The following ADGRL2 variants were observed in gnomAD, a reference collection of about 807,000 sequenced individuals.
ADGRL2 encodes the protein calcium-independent alpha-latrotoxin receptor 2.
In ADGRL2, 44 loss-of-function variants were observed where a neutral mutation model predicts 157.4. The ratio of observed to expected loss-of-function variants is 0.28; its 90% CI spans 0.22 to 0.36. The LOEUF (loss-of-function observed/expected upper bound fraction) is 0.36, where lower values mean the gene tolerates loss of function less well. Among genes scored for constraint, ADGRL2 ranks in the 10% least tolerant of loss-of-function variants. ADGRL2 has a pLI of 1.00. For synonymous variants in ADGRL2, 585 were observed against 624.7 expected (o/e 0.94, Z 0.95); for missense variants, 1,510 against 1,768.9 (o/e 0.85, Z 2.63).
chr1:81,872,496 T>G (rs2093724443), intron 2 of ADGRL2, among the ~76,000 whole-genome samples: 1 of 152,156 alleles, frequency 6.6e-6, no homozygotes, highest in South Asian at 2.1e-4. Flanking sequence ...AGTTCACATA[T>G]TTCAACAGGT....
At chr1:81,840,718 C>T (rs1571586890) in intron 2 of ADGRL2, among the ~76,000 whole-genome samples, 1 of 152,112 alleles carries the variant, frequency 6.6e-6, no homozygotes, top group Non-Finnish European at 1.5e-5. Context: ...TACATATTCT[C>T]TAAGCCTTTC....
chr1:81,737,373 G>A (rs1382004407), intron 1 of ADGRL2, among the ~76,000 whole-genome samples: 3 of 152,180 alleles, frequency 2.0e-5, no homozygotes, highest in Non-Finnish European at 4.4e-5. Context: ...GAAAGAGAGA[G>A]AGAGTTAAGG....
intron 2 of ADGRL2, among the ~76,000 whole-genome samples, chr1:81,905,788 C>T (rs1054321029): frequency 2.6e-5 from 4 of 152,114 alleles, no homozygotes; most frequent in Middle Eastern, 3.4e-3. Context: ...TATTTGATGT[C>T]GTTTGTTTGA....
In ADGRL2 at chr1:81,992,021, G is replaced by C. The variant is rs7523249; in HGVS notation, c.*876G>C. ...TTAAATTTCTTATTGCCAAAAGAAC[G>C]TGTTTTATGGGGAGAAACAAACTCT... is the stretch of plus-strand genomic sequence containing the variant. On this transcript the variant is annotated 3_prime_UTR_variant, in exon 24 of 24. Transcript: ENST00000686636. 5.3e-5 allele frequency: 8 copies of C among 152,380 alleles called. No homozygotes were observed. The highest frequency in any genetic ancestry group is 8.8e-5 in the Non-Finnish European group (6 of 67,988). 9.4% of individuals were successfully genotyped at this position (152,380 alleles called of 1,614,324 possible). A position where few individuals can be genotyped will look rare whatever the true frequency, so the allele number is the denominator to read the frequency against.
chr1:81,930,555 A>T (rs897523076), intron 3 of ADGRL2, among the ~76,000 whole-genome samples: 4 of 152,334 alleles, frequency 2.6e-5, no homozygotes, highest in East Asian at 1.9e-4. Flanking sequence ...TGGGATGGTT[A>T]AGTGATGCAT....
chr1:81,863,059 AG>A (rs2093434355), intron 2 of ADGRL2, among the ~76,000 whole-genome samples: 1 of 152,154 alleles, frequency 6.6e-6, no homozygotes, highest in Admixed American at 6.6e-5. Context: ...TTTAAAGACA[AG>A]GGTTTTTAAA....
rs1360355130 is a variant in ADGRL2 at position 81,943,231 on chromosome 1, C to A, written c.672C>A (p.Phe224Leu). The A allele has an allele frequency of 6.2e-7, 1 of 1,613,480 alleles. No homozygotes were observed. Among genetic ancestry groups the A allele is most frequent in the Non-Finnish European group, 8.5e-7 (1 of 1,179,674 alleles). The change falls in exon 6 of 24, where the codon TTC becomes TTA. Residue 224 changes from phenylalanine to leucine, a missense_variant. This residue lies in a region of ADGRL2 where 361 missense variants were observed against 498.4 expected (regional missense o/e 0.72). Coordinates refer to ENST00000686636, the MANE Select transcript of ADGRL2 (RefSeq NM_001366006.2). This position sits in a 1 kb window ranked among gnomAD's most constrained non-coding sequence, Gnocchi z 5.6. ...TTGTGGTGTATGATGGTGCTGTCTT[C>A]TTTAACAAAGAAAGAACGAGGAATA... ...TGFVVYDGAV[F>L]FNKERTRNIV...
chr1:81,642,764 C>T (rs183855991), intron 3 of ADGRL2, among the ~76,000 whole-genome samples: 14 of 152,022 alleles, frequency 9.2e-5, no homozygotes, highest in East Asian at 7.7e-4. Context: ...TATGCAAAAC[C>T]GATTAAACAT....
chr1:81,459,302 C>T (rs546174931), intron 2 of ADGRL2, among the ~76,000 whole-genome samples: 1 of 152,278 alleles, frequency 6.6e-6, no homozygotes, highest in African/African-American at 2.4e-5. Flanking sequence ...ATCTGTCTGT[C>T]TCCTGTTGCT....
intron 1 of ADGRL2, among the ~76,000 whole-genome samples, chr1:81,336,581 T>C (rs1244636235): frequency 6.6e-6 from 1 of 152,162 alleles, no homozygotes; most frequent in Admixed American, 6.5e-5. Flanking sequence ...TATATATGTA[T>C]GGCTGTCAGT....
chr1:81,746,285 T>C lies in ADGRL2; in HGVS notation c.-142-15526T>C, dbSNP rs80206315. On this transcript the variant is annotated intron_variant, in intron 1 of 20. Transcript: ENST00000359929. ...GGAGGCAATTTTAGTAAAATAAAAATGTATATTTTTAAAAATTTTTTGAGA... is the reference window on the plus strand; with the variant it reads ...GGAGGCAATTTTAGTAAAATAAAAACGTATATTTTTAAAAATTTTTTGAGA... 1.3e-3 allele frequency among the ~76,000 whole-genome samples: 204 copies of C among 152,140 alleles called. 8 individuals carry two copies. The East Asian group carries it at 0.038, about 29-fold the overall frequency.
intron 1 of ADGRL2, among the ~76,000 whole-genome samples, chr1:81,704,360 A>C (rs1230032215): frequency 6.6e-6 from 1 of 152,204 alleles, no homozygotes; most frequent in Admixed American, 6.5e-5. Flanking sequence ...AGAGCATAGC[A>C]CATCAGTCAC....
intron 2 of ADGRL2, among the ~76,000 whole-genome samples, chr1:81,477,866 C>G (rs550394626): frequency 2.2e-4 from 33 of 152,262 alleles, no homozygotes; most frequent in African/African-American, 7.5e-4. Flanking sequence ...ACCACAGCTG[C>G]TGCAAACATT....
rs770884955 is a variant in ADGRL2, at chr1:81,943,683, A to G, written c.1124A>G (p.Asn375Ser). 9.3e-6 allele frequency: 15 copies of G among 1,613,472 alleles called. No homozygotes were observed. Among genetic ancestry groups the G allele is most frequent in the African/African-American group, 2.7e-5 (2 of 74,870 alleles). The change falls in exon 6 of 24, where the codon AAT becomes AGT. Residue 375 changes from asparagine to serine, a missense_variant. Transcript: ENST00000686636. This position sits in a 1 kb window ranked among gnomAD's most constrained non-coding sequence, Gnocchi z 5.6. Reference protein sequence around the residue: ...QYQYIAAVDYNPRDNQLYVWN... With the variant: ...QYQYIAAVDYSPRDNQLYVWN... ...CAGTATATTGCTGCAGTGGATTACAATCCAAGAGATAACCAACTTTACGTG... is the reference window on the plus strand; with the variant it reads ...CAGTATATTGCTGCAGTGGATTACAGTCCAAGAGATAACCAACTTTACGTG...
chr1:81,581,834 C>T (rs979918260), intron 3 of ADGRL2, among the ~76,000 whole-genome samples: 1 of 150,982 alleles, frequency 6.6e-6, no homozygotes. Flanking sequence ...CTTTTCCAAT[C>T]AAATACGGTA....
At chr1:81,454,232 G>C (rs980815740) in intron 2 of ADGRL2, among the ~76,000 whole-genome samples, 2 of 148,776 alleles carry the variant, frequency 1.3e-5, no homozygotes, top group African/African-American at 5.0e-5. Flanking sequence ...GATTAGGCTT[G>C]TGACTTAATC....
At chr1:81,470,723 A>C (rs2101864889) in intron 2 of ADGRL2, among the ~76,000 whole-genome samples, 1 of 152,352 alleles carries the variant, frequency 6.6e-6, no homozygotes, top group African/African-American at 2.4e-5. Context: ...ATGGATGTCA[A>C]GTCCTGGATG....
intron 4 of ADGRL2, among the ~76,000 whole-genome samples, chr1:81,940,467 A>G (rs188028795): frequency 1.3e-5 from 2 of 151,754 alleles, no homozygotes; most frequent in Admixed American, 1.3e-4. Context: ...AGATGTAGTC[A>G]GAATAACACA....
intron 1 of ADGRL2, among the ~76,000 whole-genome samples, chr1:81,425,341 G>A (rs2077192932): frequency 6.6e-6 from 1 of 151,918 alleles, no homozygotes; most frequent in South Asian, 2.1e-4. Context: ...ACTTATTTGT[G>A]TACCGTCTTG....
Sources: allele counts gnomAD v4.1 joint callset (sites outside exome capture counted in the v4.1 genomes callset), GRCh38; gene constraint gnomAD v4.1.1; regional missense constraint gnomAD v4.1.1; non-coding constraint Gnocchi (gnomAD v3.1); transcripts MANE v1.5; gene names NCBI Gene and HGNC (gene_info 2026-07-23, HGNC 2026-07-21).